VWDE: variants seen among roughly 807,000 people sequenced by gnomAD.
The protein encoded by VWDE is von Willebrand factor D and EGF domains, also known as von Willebrand factor D and EGF domain-containing protein.
Under a neutral mutation model 178.4 loss-of-function variants are expected in VWDE, and 207 were observed. The observed-to-expected ratio is 1.16, with a 90% CI of 1.04 to 1.30. The LOEUF (loss-of-function observed/expected upper bound fraction) is 1.30, where lower values mean the gene tolerates loss of function less well. VWDE is among the 50% of genes most tolerant of loss of function. The probability of loss-of-function intolerance (pLI) is 0.00; values close to 1 mark genes in which losing one functional copy is unlikely to be tolerated. For synonymous variants in VWDE, 738 were observed against 651.4 expected (o/e 1.13, Z -2.02); for missense variants, 2,287 against 1,901.3 (o/e 1.20, Z -3.77).
At chr7:12,334,686 T>C (rs913494683) in intron 27 of VWDE, among the ~76,000 whole-genome samples, 7 of 152,236 alleles carry the variant, frequency 4.6e-5, no homozygotes, top group Admixed American at 3.9e-4. Flanking sequence ...TAAATTCACA[T>C]AAAAATGCTG....
intron 2 of VWDE, among the ~76,000 whole-genome samples, chr7:12,390,403 G>A (rs1432222830): frequency 6.6e-6 from 1 of 151,762 alleles, no homozygotes; most frequent in Non-Finnish European, 1.5e-5. Context: ...GCCATAGTGA[G>A]GTATAGATAA....
chr7:12,348,205 CA>C (rs1024075974), intron 19 of VWDE, among the ~76,000 whole-genome samples: 25 of 20,798 alleles, frequency 1.2e-3, no homozygotes, highest in Admixed American at 7.3e-3. Flanking sequence ...AATGGCAACA[CA>C]AAGCCAAAAT....
In VWDE at chr7:12,383,563, C is replaced by G; in HGVS notation, c.514G>C (p.Glu172Gln). 1 of 1,550,484 alleles carries G rather than the reference C, an allele frequency of 6.4e-7. No homozygotes were observed. The highest frequency in any genetic ancestry group is 1.2e-5 in the South Asian group (1 of 84,022). Residue 172 changes from glutamate (E) to glutamine (Q), a missense_variant, in exon 4 of 29, where the codon GAA becomes CAA. Transcript: ENST00000275358. The part of the protein sequence containing the change: ...DARLHPCGSD[E>Q]TETGGDCVRQ... Reference sequence around the variant, plus strand: ...ACACAATCACCTCCTGTTTCAGTTTCATCAGAACCACATGGGTGTAATCGT... The same window carrying G: ...ACACAATCACCTCCTGTTTCAGTTTGATCAGAACCACATGGGTGTAATCGT...
Position 12,351,602 on chromosome 7 carries a change from T to A in VWDE, c.3857A>T (p.His1286Leu), listed in dbSNP as rs1313858196. The stretch of plus-strand genomic sequence containing the variant: ...GGCATTTCCACTTGTTGGCTTAACA[T>A]GCCTCTTTCTCCCTTGGGCATTTTT... ...DDKNAQGRKR[H>L]VKPTSGNAFT... is the part of the protein sequence containing the mutation. The change falls in exon 19 of 29, where the codon CAT becomes CTT. Residue 1286 changes from histidine to leucine, a missense_variant. Physicochemically the swap from His to Leu is moderately conservative, Grantham distance 99. Coordinates refer to ENST00000275358, the MANE Select transcript of VWDE (RefSeq NM_001135924.3). 1 of 1,550,132 alleles carries A rather than the reference T, an allele frequency of 6.5e-7. No individual in the cohort carries two copies. Among genetic ancestry groups the A allele is most frequent in the East Asian group, 2.5e-5 (1 of 40,788 alleles).
chr7:12,337,300 G>A (rs1182316916), intron 24 of VWDE, 28 bp from the exon 25 acceptor site: 2 of 1,517,274 alleles, frequency 1.3e-6, no homozygotes, highest in Non-Finnish European at 1.8e-6. Context: ...AGCAATCTGT[G>A]AATATTACAC....
At chr7:12,400,751 A>AAT (rs1784858456) in intron 1 of VWDE, among the ~76,000 whole-genome samples, 1 of 152,150 alleles carries the variant, frequency 6.6e-6, no homozygotes, top group Non-Finnish European at 1.5e-5. Context: ...GAAAGCCAGA[A>AAT]ATATATATAA....
chr7:12,384,480 C>G (rs1394548508), intron 3 of VWDE, among the ~76,000 whole-genome samples: 1 of 151,736 alleles, frequency 6.6e-6, no homozygotes, highest in Admixed American at 6.6e-5. Flanking sequence ...TAGAGCGGAC[C>G]GTAATGTAAA....
In VWDE at chr7:12,370,521, A is replaced by G. The variant is rs569802664; in HGVS notation, c.1797-12T>C. 2.1e-4 allele frequency: 315 copies of G among 1,533,568 alleles called. 2 individuals are homozygous for G. In the African/African-American group the frequency reaches 3.7e-3, roughly 18 times the overall value. The allele number at this position is 1,533,568 out of a possible 1,614,324, so 95.0% of individuals were successfully genotyped here. On this transcript the variant is annotated splice_polypyrimidine_tract_variant and intron_variant, in intron 11 of 28. Coordinates refer to ENST00000275358, the MANE Select transcript of VWDE (RefSeq NM_001135924.3). The stretch of plus-strand genomic sequence containing the variant: ...TTCCTGGTAAAATCCTTCCAGATGG[A>G]AAACAGGAAAGAATAGTAATTTTGT...
In VWDE at chr7:12,344,221, C is replaced by T. The variant is rs1781479226; in HGVS notation, c.4052G>A (p.Gly1351Glu). Residue 1351 changes from glycine (G) to glutamate (E), a missense_variant, in exon 21 of 29, where the codon GGA (glycine) becomes GAA (glutamate). Gly to Glu is a moderately conservative substitution (Grantham distance 98). Coordinates refer to ENST00000275358, the MANE Select transcript of VWDE (RefSeq NM_001135924.3). ...TTCATCACAGGTTGCTCCACCATGT[C>T]CTGGAAGACACTGACAAATGTTAGG... Reference protein sequence around the residue: ...IKPNICQCLPGHGGATCDEEH... With the variant: ...IKPNICQCLPEHGGATCDEEH... 1 of 1,551,074 alleles carries T rather than the reference C, an allele frequency of 6.4e-7. No homozygotes were observed. Among genetic ancestry groups the T allele is most frequent in the African/African-American group, 1.4e-5 (1 of 73,102 alleles).
chr7:12,343,738 T>A (rs188914500), intron 21 of VWDE, among the ~76,000 whole-genome samples: 199 of 152,318 alleles, frequency 1.3e-3, no homozygotes, highest in African/African-American at 4.6e-3. Flanking sequence ...GCTTAAGATT[T>A]AAACCAAAGC....
At chr7:12,378,138 T>G (rs185621515) in intron 6 of VWDE, among the ~76,000 whole-genome samples, 16 of 152,284 alleles carry the variant, frequency 1.1e-4, no homozygotes, top group Non-Finnish European at 8.8e-5. Context: ...TGAGTTTGAC[T>G]CACTTTGGTT....
At chr7:12,367,235 G>T in intron 13 of VWDE, 122 bp downstream of exon 13, 6 of 687,320 alleles carry the variant, frequency 8.7e-6, no homozygotes, top group Non-Finnish European at 1.1e-5. Context: ...TTCCTGTTCA[G>T]CTCTCTAGAT....
intron 16 of VWDE, 54 bp downstream of exon 16, chr7:12,359,524 C>A: frequency 1.6e-6 from 2 of 1,274,338 alleles, no homozygotes; most frequent in Admixed American, 2.3e-5. Flanking sequence ...GGCTGAAAAC[C>A]ACTTTTAAAA....
chr7:12,336,946 T>C (rs1356364508), intron 26 of VWDE, 42 bp downstream of exon 26: 2 of 1,496,214 alleles, frequency 1.3e-6, no homozygotes, highest in African/African-American at 1.4e-5. Context: ...TACATTCCCA[T>C]GAAGGACGAA....
rs1230144677 is a variant in VWDE at position 12,403,639 on chromosome 7, G to A, written c.58+20C>T. On this transcript the variant is annotated intron_variant, in intron 1 of 28. Coordinates refer to ENST00000275358, the MANE Select transcript of VWDE (RefSeq NM_001135924.3). ...GCGGCGCCACTGCGCGCCCACCCCC[G>A]CGCGCCCTACCTCGCTTACCTTCCC... The A allele has an allele frequency of 8.5e-6, 13 of 1,534,540 alleles. No homozygotes were observed. The highest frequency in any genetic ancestry group is 1.1e-5 in the Non-Finnish European group (13 of 1,142,472).
chr7:12,344,718 A>G (rs981502954), intron 19 of VWDE, among the ~76,000 whole-genome samples: 1 of 152,188 alleles, frequency 6.6e-6, no homozygotes, highest in Non-Finnish European at 1.5e-5. Flanking sequence ...CTATGTTGCC[A>G]AAGCCAAAAA....
intron 12 of VWDE, among the ~76,000 whole-genome samples, chr7:12,367,993 T>C (rs1017822699): frequency 3.9e-5 from 6 of 152,022 alleles, no homozygotes; most frequent in African/African-American, 9.7e-5. Context: ...GCCTAACTAC[T>C]GGGAAAACCT....
At chr7:12,352,671 C>G (rs1431241857) in intron 18 of VWDE, among the ~76,000 whole-genome samples, 3 of 152,118 alleles carry the variant, frequency 2.0e-5, no homozygotes, top group Non-Finnish European at 4.4e-5. Flanking sequence ...TAGAGAATTC[C>G]CCTTACCATC....
rs1390750963 is a variant in VWDE, at chr7:12,333,573, A to G, written c.4655-5T>C. Reference sequence around the variant, plus strand: ...GACATTTTGGGTTGCAAATTGCTGCAATACACAAATTTTTACAATGACCAT... The same window carrying G: ...GACATTTTGGGTTGCAAATTGCTGCGATACACAAATTTTTACAATGACCAT... On this transcript the variant is annotated splice_polypyrimidine_tract_variant and splice_region_variant and intron_variant, in intron 27 of 28. Coordinates refer to ENST00000275358, the MANE Select transcript of VWDE (RefSeq NM_001135924.3). The G allele has an allele frequency of 6.5e-7, 1 of 1,543,262 alleles. No homozygotes were observed. The highest frequency in any genetic ancestry group is 8.8e-7 in the Non-Finnish European group (1 of 1,139,644).
Sources: gnomAD v4.1 joint callset for allele counts (sites outside exome capture counted in the v4.1 genomes callset) on GRCh38, gnomAD v4.1.1 for gene constraint, MANE v1.5 for transcripts, NCBI Gene and HGNC (gene_info 2026-07-23, HGNC 2026-07-21) for gene names.